THSD7B: variants seen among roughly 807,000 people sequenced by gnomAD.
THSD7B encodes the protein thrombospondin type 1 domain containing 7B.
THSD7B carries 138 observed loss-of-function variants against 213.6 expected under a neutral mutation model. That is an observed-to-expected ratio of 0.65 (90% CI 0.56 to 0.74). The LOEUF is 0.74. Among genes scored for constraint, THSD7B ranks in the 30% least tolerant of loss-of-function variants. The probability of loss-of-function intolerance (pLI) is 0.00; values close to 1 mark genes in which losing one functional copy is unlikely to be tolerated. For synonymous variants in THSD7B, 742 were observed against 687.0 expected, an observed-to-expected ratio of 1.08 and a Z score of -1.25; for missense variants, 1,931 against 1,991.5, an observed-to-expected ratio of 0.97 and a Z score of 0.58.
At chr2:136,880,925 C>T (rs75095013) in intron 1 of THSD7B, among the ~76,000 whole-genome samples, 3 of 152,170 alleles carry the variant, frequency 2.0e-5, no homozygotes, top group Admixed American at 1.3e-4. Context: ...CCAAATCCCT[C>T]ATATGCCATT....
At chr2:137,111,967 G>A (rs1291854120) in intron 4 of THSD7B, among the ~76,000 whole-genome samples, 1 of 152,198 alleles carries the variant, frequency 6.6e-6, no homozygotes, top group Non-Finnish European at 1.5e-5. Context: ...GGAGATGGGA[G>A]GTTGAAAAGG....
intron 2 of THSD7B, among the ~76,000 whole-genome samples, chr2:137,029,985 G>A (rs1177960743): frequency 1.3e-5 from 2 of 152,134 alleles, no homozygotes; most frequent in African/African-American, 4.8e-5. Flanking sequence ...ATCTGTATAA[G>A]ACTGTGCTAC....
At chr2:137,226,831 A>G (rs1198801426) in intron 7 of THSD7B, among the ~76,000 whole-genome samples, 4 of 146,848 alleles carry the variant, frequency 2.7e-5, no homozygotes, top group Non-Finnish European at 6.2e-5. Flanking sequence ...AAATATGGGA[A>G]CAGCCCAAAT....
chr2:137,131,052 CTT>C (rs1354553847), intron 5 of THSD7B, among the ~76,000 whole-genome samples: 2 of 143,510 alleles, frequency 1.4e-5, no homozygotes, highest in African/African-American at 2.5e-5. Flanking sequence ...TGTTTCCTGA[CTT>C]TTTAATGATC....
chr2:137,138,414 A>G (rs1241749252), intron 5 of THSD7B, among the ~76,000 whole-genome samples: 1 of 151,518 alleles, frequency 6.6e-6, no homozygotes, highest in Non-Finnish European at 1.5e-5. Flanking sequence ...CAGTTTTTTT[A>G]CTCTTGGCTA....
At chr2:137,031,376 A>G (rs967521131) in intron 2 of THSD7B, among the ~76,000 whole-genome samples, 1 of 152,154 alleles carries the variant, frequency 6.6e-6, no homozygotes. Context: ...AAATAAATAA[A>G]TGAAGTAGCA....
intron 12 of THSD7B, among the ~76,000 whole-genome samples, chr2:137,375,164 G>T (rs1470782559): frequency 2.0e-5 from 3 of 152,066 alleles, no homozygotes; most frequent in Non-Finnish European, 4.4e-5. Context: ...TCACATTAAG[G>T]TTAATTACTT....
At chr2:137,459,313 G>A (rs1473918129) in intron 15 of THSD7B, among the ~76,000 whole-genome samples, 8 of 152,054 alleles carry the variant, frequency 5.3e-5, no homozygotes, top group Admixed American at 5.2e-4. Context: ...ATTGTCACAG[G>A]TTCCTGCAGA....
At chr2:137,666,098 CCTAT>C (rs1408992725) in intron 26 of THSD7B, among the ~76,000 whole-genome samples, 2 of 151,982 alleles carry the variant, frequency 1.3e-5, no homozygotes, top group Non-Finnish European at 2.9e-5. Context: ...GAAGTTTTAG[CCTAT>C]CTTTTTTTAT....
At chr2:137,109,615 C>A (rs1257554306) in intron 4 of THSD7B, among the ~76,000 whole-genome samples, 1 of 152,120 alleles carries the variant, frequency 6.6e-6, no homozygotes, top group African/African-American at 2.4e-5. Flanking sequence ...GAGCGCGCAA[C>A]CTAGATCCCT....
intron 4 of THSD7B, among the ~76,000 whole-genome samples, chr2:137,113,416 GT>G (rs869115075): frequency 6.6e-6 from 1 of 151,976 alleles, no homozygotes; most frequent in African/African-American, 2.4e-5. Flanking sequence ...GTTTTGTGGG[GT>G]TTTTGTGTGT....
At chr2:136,777,797 G>A (rs945602436) in intron 1 of THSD7B, among the ~76,000 whole-genome samples, 1 of 152,108 alleles carries the variant, frequency 6.6e-6, no homozygotes, top group Non-Finnish European at 1.5e-5. Context: ...GAAAGACACA[G>A]GTAAAAGGGA....
intron 15 of THSD7B, chr2:137,452,059 ATCAAT>A (rs1305943367): frequency 2.1e-6 from 2 of 952,194 alleles, no homozygotes; most frequent in Non-Finnish European, 2.5e-6. Context: ...AATATCATGT[ATCAAT>A]TCAAGACCAA....
At chr2:137,441,575 T>G (rs1454831300) in intron 14 of THSD7B, among the ~76,000 whole-genome samples, 1 of 152,078 alleles carries the variant, frequency 6.6e-6, no homozygotes, top group Non-Finnish European at 1.5e-5. Flanking sequence ...ATATTGCAGT[T>G]GATCAGACAT....
intron 12 of THSD7B, among the ~76,000 whole-genome samples, chr2:137,336,470 G>A (rs1296889068): frequency 6.6e-6 from 1 of 152,162 alleles, no homozygotes; most frequent in East Asian, 1.9e-4. Context: ...TGCATCAGAA[G>A]ATAATTTACA....
At chr2:137,605,336 A>G (rs535333878) in intron 17 of THSD7B, among the ~76,000 whole-genome samples, 1 of 152,296 alleles carries the variant, frequency 6.6e-6, no homozygotes, top group South Asian at 2.1e-4. Flanking sequence ...TAACCTCAAT[A>G]TGTCTGGAAA....
Position 137,380,552 on chromosome 2 carries a change from G to A in THSD7B, c.2501-25061G>A, listed in dbSNP as rs573121030. ...ATAGAAGCAGAGGGACAGATGGAAA[G>A]GGATGTGAAGACACTCCCCTGCTGG... On this transcript the variant is annotated intron_variant, in intron 12 of 27. Coordinates refer to ENST00000409968, the MANE Select transcript of THSD7B (RefSeq NM_001316349.2). Among the ~76,000 whole-genome samples, 3 of 152,350 alleles carry A rather than the reference G, an allele frequency of 2.0e-5. No individual in the cohort carries two copies. In the East Asian group the frequency reaches 5.8e-4, roughly 29 times the overall value.
At chr2:137,415,946 C>A (rs894055134) in intron 14 of THSD7B, among the ~76,000 whole-genome samples, 1 of 152,108 alleles carries the variant, frequency 6.6e-6, no homozygotes, top group African/African-American at 2.4e-5. Flanking sequence ...TATTGTCTCT[C>A]CCTGCAGTCG....
At chr2:137,046,665 G>A (rs1350164613) in intron 2 of THSD7B, among the ~76,000 whole-genome samples, 1 of 142,906 alleles carries the variant, frequency 7.0e-6, no homozygotes, top group African/African-American at 2.6e-5. Flanking sequence ...GGGAGGCAGA[G>A]TTTGCAGTGA....
Sources: gnomAD v4.1 joint callset for allele counts (sites outside exome capture counted in the v4.1 genomes callset) on GRCh38, gnomAD v4.1.1 for gene constraint, MANE v1.5 for transcripts, NCBI Gene and HGNC (gene_info 2026-07-23, HGNC 2026-07-21) for gene names.